The following PRKG1 variants were observed in gnomAD, a reference collection of about 807,000 sequenced individuals.
PRKG1 encodes the protein protein kinase cGMP-dependent 1.
Under a neutral mutation model 88.1 loss-of-function variants are expected in PRKG1, and 35 were observed. The ratio of observed to expected loss-of-function variants is 0.40; its 90% confidence interval spans 0.30 to 0.53. The LOEUF is 0.53. Among genes scored for constraint, PRKG1 ranks in the 20% least tolerant of loss-of-function variants. The pLI is 0.59. For synonymous variants in PRKG1, 303 were observed against 292.5 expected, an observed-to-expected ratio of 1.04 and a Z score of -0.37; for missense variants, 540 against 839.8, an observed-to-expected ratio of 0.64 and a Z score of 4.41.
chr10:51,353,748 A>G (rs1842303586), intron 2 of PRKG1, among the ~76,000 whole-genome samples: 1 of 152,184 alleles, frequency 6.6e-6, no homozygotes, highest in African/African-American at 2.4e-5. Flanking sequence ...AGTTACCTCA[A>G]AAACCTGAAA....
intron 3 of PRKG1, among the ~76,000 whole-genome samples, chr10:51,541,026 A>G (rs1842287648): frequency 6.6e-6 from 1 of 152,042 alleles, no homozygotes; most frequent in African/African-American, 2.4e-5. Context: ...CCAGTATAGT[A>G]GTTTTTGTGT....
intron 4 of PRKG1, among the ~76,000 whole-genome samples, chr10:51,821,444 G>T (rs1839742875): frequency 6.6e-6 from 1 of 151,972 alleles, no homozygotes; most frequent in Non-Finnish European, 1.5e-5. Flanking sequence ...CACAGTGGTT[G>T]AACTAATTTA....
chr10:51,693,787 G>C (rs954997379), intron 3 of PRKG1, among the ~76,000 whole-genome samples: 5 of 152,158 alleles, frequency 3.3e-5, no homozygotes, highest in African/African-American at 1.2e-4. Flanking sequence ...AAACATGATA[G>C]TTAATATTTT....
chr10:51,888,156 TA>T (rs201871815), intron 4 of PRKG1, among the ~76,000 whole-genome samples: 2,672 of 152,298 alleles, frequency 0.018, 47 homozygotes, highest in Non-Finnish European at 0.025. Flanking sequence ...CCCAACTCAT[TA>T]AAAGATATAC....
chr10:51,524,049 G>T (rs1284448846), intron 3 of PRKG1, among the ~76,000 whole-genome samples: 1 of 152,064 alleles, frequency 6.6e-6, no homozygotes, highest in African/African-American at 2.4e-5. Context: ...AGGTCTGGTT[G>T]TTTAGAAGTT....
chr10:51,529,912 CTT>C (rs1400864021), intron 3 of PRKG1, among the ~76,000 whole-genome samples: 1 of 152,132 alleles, frequency 6.6e-6, no homozygotes, highest in African/African-American at 2.4e-5. Context: ...TGAAACAAGT[CTT>C]TATTGATTTA....
chr10:52,070,000 G>A (rs1303323842), intron 7 of PRKG1, among the ~76,000 whole-genome samples: 2 of 151,596 alleles, frequency 1.3e-5, no homozygotes, highest in African/African-American at 4.9e-5. Flanking sequence ...CTAATCAATA[G>A]CTCTATTCCT....
chr10:51,712,889 CAAT>C (rs1841794604), intron 3 of PRKG1, among the ~76,000 whole-genome samples: 1 of 152,038 alleles, frequency 6.6e-6, no homozygotes, highest in Admixed American at 6.5e-5. Flanking sequence ...TGAATCCAAA[CAAT>C]TATTATTAGA....
At chr10:52,273,064 T>C (rs1421856647) in intron 12 of PRKG1, among the ~76,000 whole-genome samples, 1 of 152,072 alleles carries the variant, frequency 6.6e-6, no homozygotes, top group African/African-American at 2.4e-5. Flanking sequence ...GATTTAGATT[T>C]ACCTTCTTAC....
intron 3 of PRKG1, among the ~76,000 whole-genome samples, chr10:51,609,776 G>A (rs1468504426): frequency 6.6e-6 from 1 of 152,120 alleles, no homozygotes; most frequent in Non-Finnish European, 1.5e-5. Flanking sequence ...TTTTTAGTGG[G>A]AGCCTAACAA....
chr10:51,886,896 A>G (rs2132894468), intron 4 of PRKG1, among the ~76,000 whole-genome samples: 1 of 152,308 alleles, frequency 6.6e-6, no homozygotes, highest in East Asian at 1.9e-4. Flanking sequence ...CTGCAAGCTC[A>G]CATCTCTCAG....
chr10:51,563,178 G>A (rs550319797), intron 3 of PRKG1, among the ~76,000 whole-genome samples: 3 of 152,240 alleles, frequency 2.0e-5, no homozygotes, highest in East Asian at 3.9e-4. Context: ...AGGCTAGGAA[G>A]AGTTTGTTAA....
chr10:51,482,662 G>T (rs1476794621), intron 3 of PRKG1, among the ~76,000 whole-genome samples: 3 of 152,114 alleles, frequency 2.0e-5, no homozygotes, highest in Non-Finnish European at 4.4e-5. Flanking sequence ...TCCCCAAGCT[G>T]TGGTTTTAAC....
chr10:51,900,266 C>T (rs1050139943), intron 4 of PRKG1, among the ~76,000 whole-genome samples: 2 of 152,230 alleles, frequency 1.3e-5, no homozygotes, highest in East Asian at 1.9e-4. Flanking sequence ...GGGAGGTTTA[C>T]GATAATAGCC....
chr10:51,410,981 T>C (rs982141014), intron 2 of PRKG1, among the ~76,000 whole-genome samples: 8 of 151,988 alleles, frequency 5.3e-5, no homozygotes, highest in African/African-American at 1.9e-4. Flanking sequence ...AAAAGTAGAA[T>C]GTGGTAATTT....
intron 3 of PRKG1, among the ~76,000 whole-genome samples, chr10:51,579,949 T>A (rs555607912): frequency 6.6e-6 from 1 of 152,218 alleles, no homozygotes; most frequent in South Asian, 2.1e-4. Context: ...CAGTTACATT[T>A]TAATATATGT....
chr10:51,114,762 T>C (rs960002552), intron 1 of PRKG1, among the ~76,000 whole-genome samples: 2 of 152,188 alleles, frequency 1.3e-5, no homozygotes, highest in Non-Finnish European at 2.9e-5. Flanking sequence ...CTGAAGTGTA[T>C]TGAGGGGTTA....
rs145046450 is a variant in PRKG1 at position 51,101,035 on chromosome 10, C to T, written c.311+26134C>T. 1.4e-4 allele frequency among the ~76,000 whole-genome samples: 22 copies of T among 152,210 alleles called. No individual in the cohort carries two copies. In the East Asian group the frequency reaches 4.3e-3, roughly 29 times the overall value. On this transcript the variant is annotated intron_variant, in intron 1 of 17. Coordinates refer to ENST00000373980, the MANE Select transcript of PRKG1 (RefSeq NM_006258.4). The stretch of plus-strand genomic sequence containing the variant: ...CTTCTGGCTTGGTTCTCATCCCTCT[C>T]GCTAGGCACTAAGGAAAGTTGGAAA...
intron 1 of PRKG1, among the ~76,000 whole-genome samples, chr10:51,091,247 A>C (rs1844391261): frequency 6.6e-6 from 1 of 152,232 alleles, no homozygotes; most frequent in African/African-American, 2.4e-5. Context: ...ATATACCATA[A>C]AACTTACCTA....
Sources: allele counts gnomAD v4.1 joint callset (sites outside exome capture counted in the v4.1 genomes callset), GRCh38; gene constraint gnomAD v4.1.1; transcripts MANE v1.5; gene names NCBI Gene and HGNC (gene_info 2026-07-23, HGNC 2026-07-21).